Variants in NOL4 observed in about 807,000 individuals in gnomAD.
The protein encoded by NOL4 is cancer/testis antigen 125.
NOL4 carries 17 observed loss-of-function variants against 75.9 expected under a neutral mutation model. The observed-to-expected ratio is 0.22, with a 90% CI of 0.15 to 0.34. The LOEUF (loss-of-function observed/expected upper bound fraction) is 0.34, where lower values mean the gene tolerates loss of function less well. Among genes scored for constraint, NOL4 ranks in the 10% least tolerant of loss-of-function variants. The probability of loss-of-function intolerance (pLI) is 1.00; values close to 1 mark genes in which losing one functional copy is unlikely to be tolerated. For missense variants in NOL4, 614 were observed against 793.5 expected, an observed-to-expected ratio of 0.77 and a Z score of 2.72; for synonymous variants, 292 against 289.9, an observed-to-expected ratio of 1.01 and a Z score of -0.07.
At chr18:33,881,129 TGTGAATGGGA>T (rs1423780217) in intron 10 of NOL4, among the ~76,000 whole-genome samples, 10 of 151,788 alleles carry the variant, frequency 6.6e-5, no homozygotes, top group African/African-American at 9.7e-5. Flanking sequence ...TTGAAGCAAT[TGTGAATGGGA>T]GTTCACTCAT....
chr18:33,974,156 T>G (rs1231923912), intron 6 of NOL4, among the ~76,000 whole-genome samples: 1 of 152,204 alleles, frequency 6.6e-6, no homozygotes, highest in Non-Finnish European at 1.5e-5. Context: ...CAGCATTCGT[T>G]GCTTTACCTT....
intron 9 of NOL4, among the ~76,000 whole-genome samples, chr18:33,886,387 G>T (rs2144731133): frequency 6.6e-6 from 1 of 151,850 alleles, no homozygotes; most frequent in South Asian, 2.1e-4. Flanking sequence ...AATTAGCTGG[G>T]CGTGGTGGTG....
intron 5 of NOL4, among the ~76,000 whole-genome samples, chr18:34,087,959 G>A (rs1326913360): frequency 2.0e-5 from 3 of 151,642 alleles, no homozygotes; most frequent in Non-Finnish European, 4.4e-5. Flanking sequence ...GAGAATTTAA[G>A]GGTATGCCTC....
chr18:34,041,995 CA>C (rs1568262134), intron 5 of NOL4, among the ~76,000 whole-genome samples: 1 of 151,898 alleles, frequency 6.6e-6, no homozygotes. Flanking sequence ...ATGTGATTTA[CA>C]AAAATATAGG....
At chr18:33,882,910 C>T (rs2064384099) in intron 10 of NOL4, among the ~76,000 whole-genome samples, 1 of 151,826 alleles carries the variant, frequency 6.6e-6, no homozygotes. Flanking sequence ...TTTGTAGGGA[C>T]ATGGATGAAA....
At chr18:34,084,285 T>C (rs1390533055) in intron 5 of NOL4, among the ~76,000 whole-genome samples, 1 of 152,102 alleles carries the variant, frequency 6.6e-6, no homozygotes, top group East Asian at 1.9e-4. Context: ...GGGCTGCTGA[T>C]CCAAGATACT....
chr18:33,987,910 G>T (rs1006375331), intron 6 of NOL4, among the ~76,000 whole-genome samples: 1 of 151,960 alleles, frequency 6.6e-6, no homozygotes, highest in Non-Finnish European at 1.5e-5. Flanking sequence ...TTTTATCAGC[G>T]GAGCTTGGTG....
intron 5 of NOL4, among the ~76,000 whole-genome samples, chr18:34,037,062 A>C (rs2075937819): frequency 6.6e-6 from 1 of 152,148 alleles, no homozygotes; most frequent in Admixed American, 6.6e-5. Context: ...ATATCTGATA[A>C]CCAAATTTAG....
chr18:33,914,944 G>A (rs773040408), intron 9 of NOL4, among the ~76,000 whole-genome samples: 2 of 152,024 alleles, frequency 1.3e-5, no homozygotes, highest in African/African-American at 2.4e-5. Context: ...CATTACAGAT[G>A]GTATTGAAAG....
intron 9 of NOL4, among the ~76,000 whole-genome samples, chr18:33,886,775 A>C (rs886124393): frequency 6.9e-6 from 1 of 145,548 alleles, no homozygotes; most frequent in African/African-American, 2.5e-5. Flanking sequence ...ATATATCTAT[A>C]TATATATATC....
chr18:34,111,445 GC>G (rs1473770523), intron 2 of NOL4, among the ~76,000 whole-genome samples: 2 of 151,992 alleles, frequency 1.3e-5, no homozygotes, highest in African/African-American at 4.8e-5. Context: ...TGGGATTAGT[GC>G]CCTTATAGAA....
chr18:34,214,840 A>C (rs968171235), intron 1 of NOL4, among the ~76,000 whole-genome samples: 2 of 152,196 alleles, frequency 1.3e-5, no homozygotes, highest in Non-Finnish European at 2.9e-5. Flanking sequence ...TAAAAGGAGG[A>C]AAATCTTGTC....
chr18:34,216,179 G>C (rs1293058901), intron 1 of NOL4, among the ~76,000 whole-genome samples: 1 of 152,100 alleles, frequency 6.6e-6, no homozygotes, highest in African/African-American at 2.4e-5. Context: ...ACAAAATATA[G>C]AGTTAGACAA....
At chr18:33,950,216 T>A (rs2069119852) in intron 8 of NOL4, among the ~76,000 whole-genome samples, 1 of 151,700 alleles carries the variant, frequency 6.6e-6, no homozygotes, top group Non-Finnish European at 1.5e-5. Flanking sequence ...TAAGATCAAG[T>A]GTAATTTTTT....
chr18:34,222,209 G>A, intron 1 of NOL4: 1 of 1,436,396 alleles, frequency 7.0e-7, no homozygotes, highest in Non-Finnish European at 9.1e-7. Context: ...AGAGCTTTGT[G>A]GCCATGAGAC....
intron 5 of NOL4, among the ~76,000 whole-genome samples, chr18:34,038,841 C>T (rs1415264595): frequency 1.3e-5 from 2 of 151,916 alleles, no homozygotes; most frequent in East Asian, 3.9e-4. Flanking sequence ...CCTAAAGTGA[C>T]TATGATCAGC....
chr18:33,892,835 T>C (rs557435236), intron 9 of NOL4, among the ~76,000 whole-genome samples: 1 of 152,096 alleles, frequency 6.6e-6, no homozygotes, highest in Admixed American at 6.6e-5. Context: ...TTTTTTCTTT[T>C]TTTAGTTTTT....
At chr18:34,089,607 A>G (rs2078411073) in intron 5 of NOL4, among the ~76,000 whole-genome samples, 1 of 152,252 alleles carries the variant, frequency 6.6e-6, no homozygotes, top group Non-Finnish European at 1.5e-5. Context: ...TGGACAGTGT[A>G]ACTAAAGAAC....
intron 5 of NOL4, among the ~76,000 whole-genome samples, chr18:34,055,597 T>C (rs2076802293): frequency 6.6e-6 from 1 of 152,162 alleles, no homozygotes; most frequent in Non-Finnish European, 1.5e-5. Context: ...GGATTCGTCC[T>C]GGTTGCAGTT....
Sources: gnomAD v4.1 joint callset for allele counts (sites outside exome capture counted in the v4.1 genomes callset) on GRCh38, gnomAD v4.1.1 for gene constraint, MANE v1.5 for transcripts, NCBI Gene and HGNC (gene_info 2026-07-23, HGNC 2026-07-21) for gene names.